Variants in ZBTB16 observed in about 807,000 individuals in gnomAD.
ZBTB16 encodes the protein zinc finger and BTB domain-containing protein 16.
A neutral mutation model predicts 56.8 loss-of-function variants in ZBTB16; 8 were observed. The ratio of observed to expected loss-of-function variants is 0.14; its 90% CI spans 0.08 to 0.25. The LOEUF (loss-of-function observed/expected upper bound fraction) is 0.25, where lower values mean the gene tolerates loss of function less well. ZBTB16 is among the 10% of genes least tolerant of loss of function. ZBTB16 has a pLI of 1.00. For missense variants in ZBTB16, 625 were observed against 903.0 expected, an observed-to-expected ratio of 0.69 and a Z score of 3.95; for synonymous variants, 363 against 368.5, an observed-to-expected ratio of 0.98 and a Z score of 0.17.
At chr11:114,202,354 A>G (rs1002741987) in intron 4 of ZBTB16, among the ~76,000 whole-genome samples, 2 of 152,168 alleles carry the variant, frequency 1.3e-5, no homozygotes, top group Non-Finnish European at 2.9e-5. Flanking sequence ...CCCTCGAGAA[A>G]TAACGGGGTG....
At chr11:114,225,129 G>A (rs1277815345) in intron 4 of ZBTB16, among the ~76,000 whole-genome samples, 1 of 152,140 alleles carries the variant, frequency 6.6e-6, no homozygotes, top group Non-Finnish European at 1.5e-5. Flanking sequence ...GGAGTTGGAC[G>A]ACGGGCCTTG....
chr11:114,207,762 C>T (rs539166608), intron 4 of ZBTB16, among the ~76,000 whole-genome samples: 108 of 152,176 alleles, frequency 7.1e-4, no homozygotes, highest in Non-Finnish European at 1.2e-3. Context: ...TACAGGCATG[C>T]GACACCACAC....
At chr11:114,070,770 G>T (rs1280624594) in intron 2 of ZBTB16, among the ~76,000 whole-genome samples, 1 of 152,204 alleles carries the variant, frequency 6.6e-6, no homozygotes, top group Non-Finnish European at 1.5e-5. Context: ...GCTTCTCTTA[G>T]TAGCTATTTA....
intron 4 of ZBTB16, among the ~76,000 whole-genome samples, chr11:114,230,992 T>G (rs1209270820): frequency 6.6e-6 from 1 of 151,862 alleles, no homozygotes; most frequent in East Asian, 1.9e-4. Flanking sequence ...CTAGCTGAGG[T>G]TTTTGGGTTT....
At chr11:114,151,084 C>G (rs1262144514) in intron 2 of ZBTB16, among the ~76,000 whole-genome samples, 2 of 152,308 alleles carry the variant, frequency 1.3e-5, no homozygotes, top group South Asian at 4.1e-4. Context: ...TGCTTCCTAT[C>G]TATTCTGAGT....
intron 2 of ZBTB16, among the ~76,000 whole-genome samples, chr11:114,114,672 T>C (rs1424823991): frequency 6.6e-6 from 1 of 151,896 alleles, no homozygotes; most frequent in Non-Finnish European, 1.5e-5. Flanking sequence ...TTCTATGCTA[T>C]ATGTTTTTTC....
rs1287617101 is a variant in ZBTB16 at position 114,130,328 on chromosome 11, C to G, written c.1269-26009C>G. Among the ~76,000 whole-genome samples the G allele has an allele frequency of 2.0e-5, 3 of 152,186 alleles. No individual in the cohort carries two copies. In the East Asian group the frequency reaches 5.8e-4, roughly 29 times the overall value. ...AAACTCTCAAGGCATGTTGGAGGCCCTTGTGCACCCTGCAGGGTGGAGGGT... is the reference window on the plus strand; with the variant it reads ...AAACTCTCAAGGCATGTTGGAGGCCGTTGTGCACCCTGCAGGGTGGAGGGT... On this transcript the variant is annotated intron_variant, in intron 2 of 6. Transcript: ENST00000335953.
intron 1 of ZBTB16, among the ~76,000 whole-genome samples, chr11:114,062,400 G>T (rs2735191): frequency 6.6e-6 from 1 of 152,166 alleles, no homozygotes; most frequent in Non-Finnish European, 1.5e-5. Context: ...ACCGCGCCCT[G>T]CCCCACACAC....
At chr11:114,236,599 A>G (rs1944596154) in intron 4 of ZBTB16, among the ~76,000 whole-genome samples, 1 of 152,054 alleles carries the variant, frequency 6.6e-6, no homozygotes, top group Non-Finnish European at 1.5e-5. Flanking sequence ...GTCTTGTTGG[A>G]TGCTCTTAGT....
intron 3 of ZBTB16, among the ~76,000 whole-genome samples, chr11:114,163,072 G>T (rs539723198): frequency 9.2e-5 from 14 of 152,306 alleles, no homozygotes; most frequent in Non-Finnish European, 1.5e-4. Context: ...GTCCAAGCCC[G>T]TACACGGGAG....
chr11:114,147,026 G>A (rs186328729), intron 2 of ZBTB16, among the ~76,000 whole-genome samples: 7 of 152,192 alleles, frequency 4.6e-5, no homozygotes, highest in East Asian at 1.9e-4. Context: ...CAGGTAATCC[G>A]TTCAGTCTCT....
intron 2 of ZBTB16, among the ~76,000 whole-genome samples, chr11:114,075,629 GTATATATA>G (rs10526570): frequency 0.21 from 30,045 of 141,038 alleles, 3,530 homozygotes; most frequent in Admixed American, 0.35. Context: ...GCTAATTTTT[GTATATATA>G]TATATATATA....
intron 2 of ZBTB16, among the ~76,000 whole-genome samples, chr11:114,078,985 G>A (rs555376272): frequency 6.6e-6 from 1 of 151,780 alleles, no homozygotes; most frequent in African/African-American, 2.4e-5. Flanking sequence ...GATTACAGGT[G>A]CCTGTAATCC....
At chr11:114,227,249 AG>A (rs1424561496) in intron 4 of ZBTB16, among the ~76,000 whole-genome samples, 1 of 152,084 alleles carries the variant, frequency 6.6e-6, no homozygotes, top group Non-Finnish European at 1.5e-5. Flanking sequence ...ATTGCACATC[AG>A]GTATCCCCCA....
chr11:114,228,453 T>C (rs951214093), intron 4 of ZBTB16, among the ~76,000 whole-genome samples: 3 of 152,164 alleles, frequency 2.0e-5, no homozygotes, highest in Non-Finnish European at 4.4e-5. Context: ...CAGTTGGAGG[T>C]TGGTGAAAAT....
intron 2 of ZBTB16, among the ~76,000 whole-genome samples, chr11:114,081,312 C>T (rs1939750015): frequency 6.6e-6 from 1 of 152,216 alleles, no homozygotes; most frequent in South Asian, 2.1e-4. Flanking sequence ...TTAGGATTTA[C>T]AGACAATGCC....
intron 2 of ZBTB16, among the ~76,000 whole-genome samples, chr11:114,115,378 G>A (rs1257245104): frequency 1.0e-5 from 1 of 99,904 alleles, no homozygotes; most frequent in Non-Finnish European, 2.0e-5. Context: ...CCCTTTCCTT[G>A]TTATCTGAAC....
Position 114,252,366 on chromosome 11 carries a change from C to T in ZBTB16, c.*1811C>T, listed in dbSNP as rs569026910. Reference sequence around the variant, plus strand: ...CATTGCCAGAATTGGTCTATTTTCACGGCTGGTCTTTGGGGAGGGGGGCGG... The same window carrying T: ...CATTGCCAGAATTGGTCTATTTTCATGGCTGGTCTTTGGGGAGGGGGGCGG... On this transcript the variant is annotated 3_prime_UTR_variant, in exon 7 of 7. Transcript: ENST00000335953. Among the ~76,000 whole-genome samples the T allele has an allele frequency of 9.2e-5, 12 of 130,060 alleles. No individual in the cohort carries two copies. The highest frequency in any genetic ancestry group is 1.5e-4 in the African/African-American group (5 of 32,962). The allele number at this position is 130,060 out of a possible 152,430, so 85.3% of individuals were successfully genotyped here.
intron 2 of ZBTB16, among the ~76,000 whole-genome samples, chr11:114,142,387 A>G (rs2134899870): frequency 6.6e-6 from 1 of 152,340 alleles, no homozygotes; most frequent in South Asian, 2.1e-4. Flanking sequence ...CTAGAGTTAA[A>G]AGTTCTGATT....
Sources: allele counts gnomAD v4.1 joint callset (sites outside exome capture counted in the v4.1 genomes callset), GRCh38; gene constraint gnomAD v4.1.1; transcripts MANE v1.5; gene names NCBI Gene and HGNC (gene_info 2026-07-23, HGNC 2026-07-21).